Variants in OR10D3 observed in about 807,000 individuals in gnomAD.
OR10D3 encodes olfactory receptor 10D3.
For synonymous variants in OR10D3, 100 were observed against 57.6 expected, an observed-to-expected ratio of 1.74 and a Z score of -3.33; for missense variants, 286 against 153.7, an observed-to-expected ratio of 1.86 and a Z score of -4.55.
chr11:124,188,355 AAGG>A (rs1184402941), exon 2 of OR10D3: 1 of 152,262 alleles, frequency 6.6e-6, no homozygotes, highest in African/African-American at 2.4e-5. Flanking sequence ...GGATTGCTGG[AAGG>A]AGGAGAGATG....
At chr11:124,186,500 A>ATTTAT (rs1555044510) in exon 2 of OR10D3, 3 of 150,414 alleles carry the variant, frequency 2.0e-5, no homozygotes. Flanking sequence ...CCATCCTGCC[A>ATTTAT]TTTTTTTTTT....
intron 1 of OR10D3, among the ~76,000 whole-genome samples, chr11:124,184,852 TATG>T (rs1409811721): frequency 2.6e-5 from 4 of 152,162 alleles, no homozygotes; most frequent in Non-Finnish European, 5.9e-5. Context: ...GGCTTACAAA[TATG>T]ATGATTCCCG....
At chr11:124,183,449 TC>T (rs1364034229) in intron 1 of OR10D3, 66 bp downstream of exon 1, 2 of 151,134 alleles carry the variant, frequency 1.3e-5, no homozygotes, top group African/African-American at 2.5e-5. Context: ...TTTCTCTCTC[TC>T]TTTCTCTCTC....
At chr11:124,184,749 G>A (rs746511318) in intron 1 of OR10D3, among the ~76,000 whole-genome samples, 40 of 152,224 alleles carry the variant, frequency 2.6e-4, no homozygotes, top group Non-Finnish European at 3.4e-4. Flanking sequence ...CGGAGATCAT[G>A]TTGTATAAGT....
exon 2 of OR10D3, chr11:124,185,988 C>G: frequency 1.4e-6 from 1 of 703,434 alleles, no homozygotes; most frequent in Admixed American, 2.0e-5. Flanking sequence ...GCCTTCTCCA[C>G]CTGCAGTGCT....
exon 2 of OR10D3, chr11:124,185,338 G>T (rs1334579940): frequency 2.8e-6 from 2 of 703,204 alleles, no homozygotes; most frequent in Middle Eastern, 2.3e-4. Flanking sequence ...CAGAGGGGCT[G>T]GAGATGACAC....
At chr11:124,188,745 A>G (rs2137701833) in exon 2 of OR10D3, 1 of 152,352 alleles carries the variant, frequency 6.6e-6, no homozygotes, top group Non-Finnish European at 1.5e-5. Flanking sequence ...GAGGAATGGT[A>G]ATAATGGGAC....
chr11:124,184,263 A>G (rs1293189968), intron 1 of OR10D3: 1 of 152,236 alleles, frequency 6.6e-6, no homozygotes, highest in Non-Finnish European at 1.5e-5. Context: ...AAGAGGAATG[A>G]TATCCAATTC....
chr11:124,184,041 C>T (rs1016020437), intron 1 of OR10D3, among the ~76,000 whole-genome samples: 3 of 152,146 alleles, frequency 2.0e-5, no homozygotes, highest in African/African-American at 7.2e-5. Context: ...TTTTTGGAAG[C>T]AGTATAGATT....
exon 2 of OR10D3, chr11:124,186,568 A>G (rs2137700084): frequency 6.2e-6 from 1 of 160,966 alleles, no homozygotes; most frequent in East Asian, 1.7e-4. Flanking sequence ...ACAAACCTAT[A>G]GGGAAAGGCA....
intron 1 of OR10D3, among the ~76,000 whole-genome samples, chr11:124,183,771 T>A (rs1861189891): frequency 6.6e-6 from 1 of 152,154 alleles, no homozygotes; most frequent in Non-Finnish European, 1.5e-5. Context: ...TTTGGAGTCC[T>A]CAGTTTACAA....
At chr11:124,186,095 A>C (rs773548961) in exon 2 of OR10D3, 8 of 703,070 alleles carry the variant, frequency 1.1e-5, no homozygotes, top group Admixed American at 1.0e-4. Flanking sequence ...ACAAATTCTC[A>C]TGAATCTGGT....
intron 1 of OR10D3, 29 bp downstream of exon 1, chr11:124,183,412 CTT>C: frequency 1.2e-5 from 1 of 81,044 alleles, no homozygotes; most frequent in South Asian, 3.5e-4. Context: ...ATCTTTGCCT[CTT>C]TCTCTCTCTT....
chr11:124,184,739 C>T (rs193063157), intron 1 of OR10D3, among the ~76,000 whole-genome samples: 11 of 152,294 alleles, frequency 7.2e-5, no homozygotes, highest in East Asian at 3.9e-4. Flanking sequence ...ATTAGATGAA[C>T]GGAGATCATG....
rs1200569226 is a variant in OR10D3, at chr11:124,185,873, A to G, written c.604A>G (p.Asn202Asp). The G allele has an allele frequency of 7.1e-6, 5 of 703,378 alleles. No homozygotes were observed. The Admixed American group carries it at 1.0e-4, about 14-fold the overall frequency. 43.6% of individuals were successfully genotyped at this position (703,378 alleles called of 1,614,324 possible). The stretch of plus-strand genomic sequence containing the variant: ...CTTAGCCCAGAGGGTGAGCTTCACC[A>G]ACGTTGGCCTCATATCTCTTGTCTG... Residue 202 changes from asparagine (N) to aspartate (D), a missense_variant, in exon 2 of 2, where the codon AAC becomes GAC. Asn to Asp is a conservative substitution (Grantham distance 23). Transcript: ENST00000641351.
exon 2 of OR10D3, chr11:124,188,656 G>T (rs1423337354): frequency 2.0e-5 from 3 of 152,142 alleles, no homozygotes; most frequent in Non-Finnish European, 2.9e-5. Context: ...CTCTGTTATT[G>T]GCCAAGGGAA....
rs1273819038 is a variant in OR10D3 at position 124,183,450 on chromosome 11, CTTTCTCTCTCTT to C, written c.-12+69_-12+80del. 5 of 148,124 alleles carry C rather than the reference CTTTCTCTCTCTT, an allele frequency of 3.4e-5. No individual in the cohort carries two copies. In the East Asian group the frequency reaches 5.9e-4, roughly 17 times the overall value. 9.2% of individuals were successfully genotyped at this position (148,124 alleles called of 1,614,324 possible). On this transcript the variant is annotated intron_variant, in intron 1 of 1. Transcript: ENST00000641351. ...TCTTTCTCTCTCTCTTTCTCTCTCT[CTTTCTCTCTCTT>C]TCTCTTTCTTTCTCTTTTTTTCTCT...
chr11:124,183,531 C>T (rs1861187264), intron 1 of OR10D3, 148 bp downstream of exon 1: 1 of 123,338 alleles, frequency 8.1e-6, no homozygotes, highest in Admixed American at 8.2e-5. Context: ...TCCCTCCCTC[C>T]CTCCCTGCCT....
At chr11:124,187,326 T>C (rs976944619) in exon 2 of OR10D3, 18 of 152,206 alleles carry the variant, frequency 1.2e-4, no homozygotes, top group African/African-American at 4.3e-4. Flanking sequence ...AAAATATTTA[T>C]ACTTACATTT....
Sources: gnomAD v4.1 joint callset for allele counts (sites outside exome capture counted in the v4.1 genomes callset) on GRCh38, gnomAD v4.1.1 for gene constraint, MANE v1.5 for transcripts, NCBI Gene and HGNC (gene_info 2026-07-23, HGNC 2026-07-21) for gene names.